Variants in FARS2 observed in about 807,000 individuals in gnomAD.
FARS2 encodes phenylalanine--tRNA ligase, mitochondrial.
FARS2 carries 40 observed loss-of-function variants against 46.4 expected under a neutral mutation model. The observed-to-expected ratio is 0.86, with a 90% CI of 0.67 to 1.12. The LOEUF (loss-of-function observed/expected upper bound fraction) is 1.12, where lower values mean the gene tolerates loss of function less well. Ranked by LOEUF, FARS2 falls within the 50% of genes most tolerant of loss-of-function variation. FARS2 has a pLI of 0.00. For missense variants in FARS2, 513 were observed against 567.9 expected (o/e 0.90, Z 0.98); for synonymous variants, 234 against 214.9 (o/e 1.09, Z -0.78).
chr6:5,707,319 G>A (rs1021732066), intron 6 of FARS2, among the ~76,000 whole-genome samples: 3 of 152,166 alleles, frequency 2.0e-5, no homozygotes, highest in Non-Finnish European at 2.9e-5. Flanking sequence ...AACAGATTCA[G>A]CACCTGAGAA....
intron 2 of FARS2, among the ~76,000 whole-genome samples, chr6:5,387,823 G>A (rs1369771709): frequency 1.3e-5 from 2 of 152,084 alleles, no homozygotes; most frequent in African/African-American, 4.8e-5. Context: ...GTTGTTCCTG[G>A]AGCTGCAATC....
intron 6 of FARS2, among the ~76,000 whole-genome samples, chr6:5,729,797 A>G (rs1212020319): frequency 3.9e-5 from 6 of 152,146 alleles, no homozygotes; most frequent in Admixed American, 6.5e-5. Flanking sequence ...AATGACTCCT[A>G]TGCTCCTTCA....
intron 6 of FARS2, among the ~76,000 whole-genome samples, chr6:5,696,602 A>C (rs573454646): frequency 8.5e-5 from 13 of 152,198 alleles, no homozygotes; most frequent in Non-Finnish European, 1.3e-4. Context: ...ATATTCTATA[A>C]ATTATTCCAT....
intron 4 of FARS2, among the ~76,000 whole-genome samples, chr6:5,511,060 C>T (rs1442975734): frequency 2.0e-5 from 3 of 152,144 alleles, no homozygotes. Flanking sequence ...TCTCAAGACA[C>T]AGGAGGGAGA....
chr6:5,368,170 C>T (rs1758799572), intron 1 of FARS2, among the ~76,000 whole-genome samples: 1 of 152,042 alleles, frequency 6.6e-6, no homozygotes, highest in Admixed American at 6.6e-5. Context: ...CAATTAAGTT[C>T]TGTATTTTAG....
chr6:5,410,883 A>G (rs1761906973), intron 3 of FARS2, among the ~76,000 whole-genome samples: 1 of 152,192 alleles, frequency 6.6e-6, no homozygotes, highest in Admixed American at 6.5e-5. Context: ...CATCTCTATG[A>G]TATGGGTGTT....
intron 1 of FARS2, among the ~76,000 whole-genome samples, chr6:5,322,674 G>A (rs935622895): frequency 2.6e-5 from 4 of 152,296 alleles, no homozygotes; most frequent in South Asian, 2.1e-4. Context: ...GGTGACAGCC[G>A]TCACACAGAG....
intron 1 of FARS2, among the ~76,000 whole-genome samples, chr6:5,340,740 G>T (rs1477835060): frequency 6.6e-6 from 1 of 152,078 alleles, no homozygotes; most frequent in East Asian, 1.9e-4. Flanking sequence ...TCCAGTCAAG[G>T]CTAAGCCATC....
intron 6 of FARS2, among the ~76,000 whole-genome samples, chr6:5,767,648 C>T (rs1246092494): frequency 6.6e-6 from 1 of 152,138 alleles, no homozygotes; most frequent in African/African-American, 2.4e-5. Context: ...GGTCTTTGTG[C>T]CTCAGTTTCC....
chr6:5,516,742 T>C (rs1768820055), intron 4 of FARS2, among the ~76,000 whole-genome samples: 1 of 152,224 alleles, frequency 6.6e-6, no homozygotes, highest in Admixed American at 6.5e-5. Flanking sequence ...AGAGAACCTA[T>C]AAAAGAGCTG....
At chr6:5,361,813 A>G (rs1273458745) in intron 1 of FARS2, among the ~76,000 whole-genome samples, 1 of 152,200 alleles carries the variant, frequency 6.6e-6, no homozygotes, top group Non-Finnish European at 1.5e-5. Context: ...ACCATTGGCT[A>G]TTTCCCTGAA....
At chr6:5,259,631 G>A (rs1014766641), upstream of FARS2, among the ~76,000 whole-genome samples, 1 of 152,190 alleles carries the variant, frequency 6.6e-6, no homozygotes, top group African/African-American at 2.4e-5. Context: ...CTGGAGGGGG[G>A]CCTACCTAAC....
At chr6:5,593,423 T>A (rs571136940) in intron 5 of FARS2, among the ~76,000 whole-genome samples, 1 of 152,314 alleles carries the variant, frequency 6.6e-6, no homozygotes, top group South Asian at 2.1e-4. Context: ...GAGAACATGT[T>A]GCAGAGAAAC....
chr6:5,400,115 T>C (rs1448843143), intron 2 of FARS2, among the ~76,000 whole-genome samples: 1 of 152,206 alleles, frequency 6.6e-6, no homozygotes, highest in Non-Finnish European at 1.5e-5. Context: ...TTCCAAAGCC[T>C]CAGCGTATTC....
chr6:5,315,738 T>TTTCTTCCTTTCTTTCTTTCTTTCTTTC, intron 1 of FARS2, among the ~76,000 whole-genome samples: 29 of 125,250 alleles, frequency 2.3e-4, no homozygotes, highest in Non-Finnish European at 3.0e-4. Flanking sequence ...TTCTTTCTTT[T>TTTCTTCCTTTCTTTCTTTCTTTCTTTC]TTCCTTTCTT....
chr6:5,658,687 TTAGA>T (rs999344445), intron 6 of FARS2, among the ~76,000 whole-genome samples: 2 of 152,188 alleles, frequency 1.3e-5, no homozygotes, highest in African/African-American at 4.8e-5. Context: ...TTTTCTAGAA[TTAGA>T]TAGATGGTTA....
chr6:5,647,019 A>G (rs1304006146), intron 6 of FARS2, among the ~76,000 whole-genome samples: 3 of 152,212 alleles, frequency 2.0e-5, no homozygotes, highest in African/African-American at 7.2e-5. Context: ...ATCAGCTGTG[A>G]CAAGCTCCTA....
intron 6 of FARS2, among the ~76,000 whole-genome samples, chr6:5,662,287 T>C (rs1777886328): frequency 6.6e-6 from 1 of 152,256 alleles, no homozygotes; most frequent in Admixed American, 6.5e-5. Context: ...AATATTATTA[T>C]TACAGTTCTA....
At chr6:5,668,010 C>G (rs772362405) in intron 6 of FARS2, 3 of 152,210 alleles carry the variant, frequency 2.0e-5, no homozygotes, top group Non-Finnish European at 2.9e-5. Flanking sequence ...TCTATTACTT[C>G]GTAGCCCACT....
Sources: gnomAD v4.1 joint callset for allele counts (sites outside exome capture counted in the v4.1 genomes callset) on GRCh38, gnomAD v4.1.1 for gene constraint, MANE v1.5 for transcripts, NCBI Gene and HGNC (gene_info 2026-07-23, HGNC 2026-07-21) for gene names.